PREX2: variants seen among roughly 807,000 people sequenced by gnomAD.
PREX2 encodes phosphatidylinositol 3,4,5-trisphosphate-dependent Rac exchanger 2 protein.
PREX2 carries 107 observed loss-of-function variants against 203.2 expected under a neutral mutation model. That is an observed-to-expected ratio of 0.53 (90% CI 0.45 to 0.62). The LOEUF (loss-of-function observed/expected upper bound fraction) is 0.62, where lower values mean the gene tolerates loss of function less well. Ranked by LOEUF, PREX2 falls within the 20% of genes least tolerant of loss-of-function variation. The pLI, the probability that PREX2 is intolerant of heterozygous loss-of-function variation, is 0.00. For missense variants in PREX2, 1,777 were observed against 1,955.9 expected, an observed-to-expected ratio of 0.91 and a Z score of 1.72; for synonymous variants, 672 against 663.6, an observed-to-expected ratio of 1.01 and a Z score of -0.19.
chr8:68,219,546 A>C (rs1409395288), intron 38 of PREX2, among the ~76,000 whole-genome samples: 1 of 152,168 alleles, frequency 6.6e-6, no homozygotes, highest in Non-Finnish European at 1.5e-5. Context: ...TTTTTAAAAA[A>C]TGAATACATT....
intron 25 of PREX2, chr8:68,110,968 A>G (rs1357630912): frequency 4.7e-6 from 2 of 423,672 alleles, no homozygotes; most frequent in Non-Finnish European, 9.4e-6. Context: ...AGAGAAAAGG[A>G]GAGTATTTTT....
Position 67,952,382 on chromosome 8 carries a change from A to T in PREX2, c.-13A>T. 1 of 1,525,760 alleles carries T rather than the reference A, an allele frequency of 6.6e-7. No homozygotes were observed. The highest frequency in any genetic ancestry group is 8.8e-7 in the Non-Finnish European group (1 of 1,137,872). The allele number at this position is 1,525,760 out of a possible 1,614,324, so 94.5% of individuals were successfully genotyped here. A position where few individuals can be genotyped will look rare whatever the true frequency, so the allele number is the denominator to read the frequency against. On this transcript the variant is annotated 5_prime_UTR_variant, in exon 1 of 40. Transcript: ENST00000288368. ...CACGGCGGGCAGCGCCGCGCTGCGC[A>T]CCGCCGCCGACCATGAGCGAGGACA...
intron 15 of PREX2, among the ~76,000 whole-genome samples, chr8:68,079,698 A>G (rs1295989774): frequency 6.6e-6 from 1 of 152,216 alleles, no homozygotes; most frequent in African/African-American, 2.4e-5. Flanking sequence ...ATCTCACTGA[A>G]TACAAATTCT....
At chr8:68,172,401 C>T (rs1811895568) in intron 35 of PREX2, among the ~76,000 whole-genome samples, 1 of 152,206 alleles carries the variant, frequency 6.6e-6, no homozygotes, top group South Asian at 2.1e-4. Flanking sequence ...CCAAGGACAG[C>T]ACCTCGTGCC....
At position 67,952,677 on chromosome 8, in the gene PREX2, T is replaced by TGTC. The variant is rs1288033401; in HGVS notation, c.141+143_141+144insTCG. On this transcript the variant is annotated intron_variant, in intron 1 of 39. Coordinates refer to ENST00000288368, the MANE Select transcript of PREX2 (RefSeq NM_024870.4). ...CATCACAGGCGCGGGAATCCACGTG[T>TGTC]GGACTCTGCGTTCGCGGGCGCGGTG... The TGTC allele has an allele frequency of 4.2e-6, 5 of 1,176,964 alleles. No individual in the cohort carries two copies. In the East Asian group the frequency reaches 7.9e-5, roughly 19 times the overall value. 72.9% of individuals were successfully genotyped at this position (1,176,964 alleles called of 1,614,324 possible). A position where few individuals can be genotyped will look rare whatever the true frequency, so the allele number is the denominator to read the frequency against.
In PREX2 at chr8:68,231,387, C is replaced by A. The variant is rs947445427; in HGVS notation, c.*9C>A. 2 of 1,599,056 alleles carry A rather than the reference C, an allele frequency of 1.3e-6. No individual in the cohort carries two copies. The highest frequency in any genetic ancestry group is 1.7e-6 in the Non-Finnish European group (2 of 1,173,554). On this transcript the variant is annotated 3_prime_UTR_variant, in exon 40 of 40. Transcript: ENST00000288368. The stretch of plus-strand genomic sequence containing the variant: ...CAGCTGGAGAAGAATGAAAAGAACT[C>A]CCAAGAAACCAGGCAGGCAGAAGCT...
At chr8:68,077,271 T>C (rs925789897) in intron 14 of PREX2, 126 bp from the exon 15 acceptor site, 10 of 718,064 alleles carry the variant, frequency 1.4e-5, no homozygotes, top group Non-Finnish European at 2.3e-5. Context: ...TTCTGTCTTA[T>C]AAAGCAATGC....
At chr8:68,026,422 A>G (rs1807715951) in intron 4 of PREX2, among the ~76,000 whole-genome samples, 1 of 152,118 alleles carries the variant, frequency 6.6e-6, no homozygotes, top group African/African-American at 2.4e-5. Context: ...TTAGATATTT[A>G]TTAAATAGTT....
chr8:67,992,962 GT>G (rs1806650869), intron 1 of PREX2, among the ~76,000 whole-genome samples: 1 of 152,142 alleles, frequency 6.6e-6, no homozygotes, highest in African/African-American at 2.4e-5. Flanking sequence ...AGAAATTGCA[GT>G]TTTTACTTAA....
intron 4 of PREX2, among the ~76,000 whole-genome samples, chr8:68,024,773 T>C (rs1444928517): frequency 6.6e-6 from 1 of 152,040 alleles, no homozygotes; most frequent in East Asian, 1.9e-4. Flanking sequence ...ACCATTTTGA[T>C]TCCTCTCAAT....
chr8:68,080,002 T>TA (rs11372132), intron 15 of PREX2, among the ~76,000 whole-genome samples: 81,033 of 151,898 alleles, frequency 0.53, 21,616 homozygotes, highest in South Asian at 0.56. Context: ...AGGCAACACT[T>TA]AACCCATTTG....
chr8:68,143,779 A>G (rs760508247), intron 33 of PREX2, among the ~76,000 whole-genome samples: 2 of 152,146 alleles, frequency 1.3e-5, no homozygotes, highest in Non-Finnish European at 2.9e-5. Context: ...AAGGTCATCT[A>G]AGTTTTCTCT....
At chr8:67,975,431 C>G (rs1563479122) in intron 1 of PREX2, among the ~76,000 whole-genome samples, 1 of 151,672 alleles carries the variant, frequency 6.6e-6, no homozygotes, top group African/African-American at 2.4e-5. Flanking sequence ...TATAGTGAAC[C>G]TAAAGAATGA....
At chr8:68,035,631 CTG>C (rs1808005244) in intron 6 of PREX2, among the ~76,000 whole-genome samples, 1 of 152,108 alleles carries the variant, frequency 6.6e-6, no homozygotes, top group South Asian at 2.1e-4. Context: ...CTGTAAGCTG[CTG>C]TGTTAGGATA....
intron 37 of PREX2, among the ~76,000 whole-genome samples, chr8:68,206,541 G>A (rs746872339): frequency 4.6e-5 from 7 of 152,142 alleles, no homozygotes; most frequent in Non-Finnish European, 8.8e-5. Context: ...AAGAAATGGA[G>A]TACACAAAGT....
chr8:67,989,262 T>G (rs2129609425), intron 1 of PREX2, among the ~76,000 whole-genome samples: 1 of 152,298 alleles, frequency 6.6e-6, no homozygotes, highest in Non-Finnish European at 1.5e-5. Flanking sequence ...CTAGAAAGAA[T>G]AATAGATTTC....
chr8:68,174,990 C>T (rs1178012939), intron 35 of PREX2, among the ~76,000 whole-genome samples: 1 of 152,160 alleles, frequency 6.6e-6, no homozygotes, highest in Non-Finnish European at 1.5e-5. Flanking sequence ...CAGAGATGAA[C>T]CGGACAATAT....
chr8:68,097,172 C>G lies in PREX2; in HGVS notation c.2524C>G (p.Pro842Ala). The change falls in exon 22 of 40, where the codon CCC becomes GCC. Residue 842 changes from proline to alanine, a missense_variant. Coordinates refer to ENST00000288368, the MANE Select transcript of PREX2 (RefSeq NM_024870.4). ...CAATGTGGTGGAAAAGATGATTGAG[C>G]CCAAAGGTTTCTTCAGCTTAACTGC... The part of the protein sequence containing the change: ...KCNVVEKMIE[P>A]KGFFSLTAKI... 2.5e-6 allele frequency: 4 copies of G among 1,613,378 alleles called. No homozygotes were observed. The highest frequency in any genetic ancestry group is 3.4e-6 in the Non-Finnish European group (4 of 1,179,584).
intron 1 of PREX2, among the ~76,000 whole-genome samples, chr8:67,986,625 A>G (rs4418325): frequency 0.4 from 60,359 of 152,038 alleles, 12,292 homozygotes; most frequent in East Asian, 0.6. Context: ...CACTTCTATC[A>G]TATAGTGAAC....
Sources: allele counts gnomAD v4.1 joint callset (sites outside exome capture counted in the v4.1 genomes callset), GRCh38; gene constraint gnomAD v4.1.1; transcripts MANE v1.5; gene names NCBI Gene and HGNC (gene_info 2026-07-23, HGNC 2026-07-21).